DNAAF4: variants seen among roughly 807,000 people sequenced by gnomAD.
DNAAF4 encodes the protein dynein axonemal assembly factor 4.
In DNAAF4, 43 loss-of-function variants were observed where a neutral mutation model predicts 51.8. That is an observed-to-expected ratio of 0.83 (90% CI 0.65 to 1.07). The LOEUF is 1.07. DNAAF4 is among the 50% of genes least tolerant of loss of function. The pLI, the probability that DNAAF4 is intolerant of heterozygous loss-of-function variation, is 0.00. For synonymous variants in DNAAF4, 194 were observed against 165.6 expected (o/e 1.17, Z -1.32); for missense variants, 581 against 493.0 (o/e 1.18, Z -1.69).
chr15:55,501,314 G>A (rs575712061), intron 1 of DNAAF4, among the ~76,000 whole-genome samples: 4 of 151,020 alleles, frequency 2.6e-5, no homozygotes, highest in African/African-American at 7.3e-5. Context: ...CGCCCACCTC[G>A]GCCTCCCAAA....
rs2058670802 is a variant in DNAAF4 at position 55,498,526 on chromosome 15, C to G, written c.-197G>C. 1.9e-6 allele frequency: 1 copy of G among 535,112 alleles called. No homozygotes were observed. Among genetic ancestry groups the G allele is most frequent in the East Asian group, 4.4e-5 (1 of 22,534 alleles). 33.1% of individuals were successfully genotyped at this position (535,112 alleles called of 1,614,324 possible). On this transcript the variant is annotated 5_prime_UTR_variant, in exon 2 of 10. Coordinates refer to ENST00000321149, the MANE Select transcript of DNAAF4 (RefSeq NM_130810.4). ...AGGCGCCCAGACCAGAGAGTGATGC[C>G]GATTCTTGGGGTTACCTTACGATCT...
chr15:55,480,598 C>T (rs146661734), intron 4 of DNAAF4, among the ~76,000 whole-genome samples: 1 of 152,166 alleles, frequency 6.6e-6, no homozygotes, highest in African/African-American at 2.4e-5. Context: ...ACCAGTCTCT[C>T]ATTATACCTT....
At chr15:55,459,690 TTTTCTTTC>T (rs778771109) in intron 5 of DNAAF4, among the ~76,000 whole-genome samples, 2 of 149,752 alleles carry the variant, frequency 1.3e-5, no homozygotes, top group Non-Finnish European at 2.9e-5. Context: ...AGCTATTCTT[TTTTCTTTC>T]TTTCTTTCTT....
Position 55,484,914 on chromosome 15 carries a change from T to C in DNAAF4, c.405+6209A>G, listed in dbSNP as rs749785938. On this transcript the variant is annotated intron_variant, in intron 4 of 9. Coordinates refer to ENST00000321149, the MANE Select transcript of DNAAF4 (RefSeq NM_130810.4). Reference sequence around the variant, plus strand: ...GCCAATTCAATGGTGACCACCCAGATTAAGGGTGGGTCTGCCTTTCCCAGC... The same window carrying C: ...GCCAATTCAATGGTGACCACCCAGACTAAGGGTGGGTCTGCCTTTCCCAGC... Among the ~76,000 whole-genome samples, 52 of 152,320 alleles carry C rather than the reference T, an allele frequency of 3.4e-4. 1 individual carries two copies. The highest frequency in any genetic ancestry group is 4.1e-4 in the South Asian group (2 of 4,832).
intron 5 of DNAAF4, among the ~76,000 whole-genome samples, chr15:55,457,290 C>T (rs1595915548): frequency 1.3e-5 from 2 of 152,108 alleles, no homozygotes; most frequent in East Asian, 3.9e-4. Context: ...CAGCTTTCCC[C>T]CACCTCCCTG....
At chr15:55,440,402 G>C (rs901310418) in intron 6 of DNAAF4, among the ~76,000 whole-genome samples, 3 of 146,664 alleles carry the variant, frequency 2.0e-5, no homozygotes, top group Non-Finnish European at 4.5e-5. Context: ...TTTTTGAGAC[G>C]GAGTCTTGCT....
intron 5 of DNAAF4, among the ~76,000 whole-genome samples, chr15:55,457,910 A>G (rs2058043133): frequency 6.6e-6 from 1 of 152,102 alleles, no homozygotes; most frequent in African/African-American, 2.4e-5. Context: ...CTGGGGCCCA[A>G]CTGGGTGGCT....
At chr15:55,449,286 G>A (rs960007828) in intron 6 of DNAAF4, among the ~76,000 whole-genome samples, 11 of 150,818 alleles carry the variant, frequency 7.3e-5, no homozygotes, top group Non-Finnish European at 1.2e-4. Flanking sequence ...CACCACGCCC[G>A]GCTTGTCATT....
intron 3 of DNAAF4, among the ~76,000 whole-genome samples, chr15:55,491,886 C>G (rs1198751367): frequency 6.7e-6 from 1 of 150,050 alleles, no homozygotes; most frequent in African/African-American, 2.4e-5. Context: ...CTAGGTCTCT[C>G]TCTGTCACCC....
intron 1 of DNAAF4, among the ~76,000 whole-genome samples, chr15:55,501,154 C>T (rs12904392): frequency 6.6e-6 from 1 of 150,882 alleles, no homozygotes; most frequent in Non-Finnish European, 1.5e-5. Flanking sequence ...ACCTCCACCT[C>T]CGGGGTTCAA....
intron 4 of DNAAF4, among the ~76,000 whole-genome samples, chr15:55,486,806 G>A (rs1289595564): frequency 6.6e-6 from 1 of 151,622 alleles, no homozygotes; most frequent in East Asian, 1.9e-4. Context: ...TTTTTAATTA[G>A]CAAAAATGAT....
intron 5 of DNAAF4, 135 bp downstream of exon 5, chr15:55,466,795 C>G: frequency 1.9e-6 from 2 of 1,036,918 alleles, no homozygotes; most frequent in South Asian, 3.6e-5. Context: ...TTACTTTAGT[C>G]TTTGTACTGA....
chr15:55,435,908 C>A (rs1006241613), intron 7 of DNAAF4, among the ~76,000 whole-genome samples: 4 of 152,078 alleles, frequency 2.6e-5, no homozygotes, highest in Non-Finnish European at 4.4e-5. Flanking sequence ...CCTGCGTCAG[C>A]CTCCTGAGTA....
chr15:55,452,064 T>A (rs548127178), intron 5 of DNAAF4, among the ~76,000 whole-genome samples: 1 of 151,858 alleles, frequency 6.6e-6, no homozygotes, highest in South Asian at 2.1e-4. Context: ...TTGGCCAACA[T>A]GGTGAAACCT....
At chr15:55,434,480 A>G (rs2057575711) in intron 8 of DNAAF4, among the ~76,000 whole-genome samples, 1 of 152,172 alleles carries the variant, frequency 6.6e-6, no homozygotes, top group Non-Finnish European at 1.5e-5. Context: ...AGTAAATATT[A>G]GTAATGGAAA....
intron 5 of DNAAF4, among the ~76,000 whole-genome samples, chr15:55,465,564 C>CTTTTTT (rs76254398): frequency 3.8e-5 from 5 of 131,602 alleles, no homozygotes; most frequent in African/African-American, 1.1e-4. Flanking sequence ...TATGTTCTCA[C>CTTTTTT]TTTTTTTTTT....
At chr15:55,496,225 T>C (rs1389288152) in intron 3 of DNAAF4, among the ~76,000 whole-genome samples, 1 of 152,164 alleles carries the variant, frequency 6.6e-6, no homozygotes, top group Non-Finnish European at 1.5e-5. Flanking sequence ...AGCGAGACTC[T>C]GTCTTTCCAA....
At chr15:55,491,090 T>G (rs536752081) in intron 4 of DNAAF4, 33 bp downstream of exon 4, 21 of 1,613,362 alleles carry the variant, frequency 1.3e-5, no homozygotes, top group Admixed American at 1.7e-5. Context: ...CTATTATCTC[T>G]TTAGAGGACT....
At chr15:55,448,984 CTTTTATT>C (rs1173533616) in intron 6 of DNAAF4, among the ~76,000 whole-genome samples, 3 of 150,514 alleles carry the variant, frequency 2.0e-5, no homozygotes, top group Admixed American at 6.7e-5. Flanking sequence ...GTCATTATGT[CTTTTATT>C]TTTTATTTTT....
Sources: allele counts gnomAD v4.1 joint callset (sites outside exome capture counted in the v4.1 genomes callset), GRCh38; gene constraint gnomAD v4.1.1; transcripts MANE v1.5; gene names NCBI Gene and HGNC (gene_info 2026-07-23, HGNC 2026-07-21).